SCHIP1: variants seen among roughly 807,000 people sequenced by gnomAD.
The protein encoded by SCHIP1 is schwannomin-interacting protein 1.
SCHIP1 carries 8 observed loss-of-function variants against 29.7 expected under a neutral mutation model. The observed-to-expected ratio is 0.27, with a 90% confidence interval of 0.16 to 0.49. The LOEUF (loss-of-function observed/expected upper bound fraction) is 0.49. Ranked by LOEUF, SCHIP1 falls within the 20% of genes least tolerant of loss-of-function variation. The probability of loss-of-function intolerance (pLI) is 0.99; values close to 1 mark genes in which losing one functional copy is unlikely to be tolerated. For missense variants in SCHIP1, 193 were observed against 294.6 expected (o/e 0.66, Z 2.52); for synonymous variants, 76 against 94.9 (o/e 0.80, Z 1.16).
the SCHIP1 span, among the ~76,000 whole-genome samples, chr3:159,529,334 A>G: frequency 3.3e-5 from 5 of 152,222 alleles, no homozygotes; most frequent in Non-Finnish European, 5.9e-5. Flanking sequence ...TCAAAGGAAA[A>G]CCAAATTACT....
chr3:159,644,691 A>C, the SCHIP1 span, among the ~76,000 whole-genome samples: 4 of 152,156 alleles, frequency 2.6e-5, no homozygotes, highest in Admixed American at 2.6e-4. Context: ...ATGCCCATTA[A>C]ATTCAAATTA....
the SCHIP1 span, among the ~76,000 whole-genome samples, chr3:159,592,066 G>T: frequency 6.6e-6 from 1 of 151,628 alleles, no homozygotes; most frequent in Non-Finnish European, 1.5e-5. Flanking sequence ...TCTGCTTGGG[G>T]TCTGGTCAAA....
At chr3:159,707,795 C>T in the SCHIP1 span, among the ~76,000 whole-genome samples, 1 of 152,094 alleles carries the variant, frequency 6.6e-6, no homozygotes, top group Admixed American at 6.5e-5. Flanking sequence ...TATTGGATTC[C>T]TTTGTCCCCC....
chr3:159,310,547 G>A, the SCHIP1 span, among the ~76,000 whole-genome samples: 5 of 152,064 alleles, frequency 3.3e-5, no homozygotes, highest in Admixed American at 6.6e-5. Flanking sequence ...AAATTCTGTC[G>A]TTGTTTCCAT....
chr3:159,824,216 A>G, the SCHIP1 span, among the ~76,000 whole-genome samples: 1 of 152,200 alleles, frequency 6.6e-6, no homozygotes, highest in Non-Finnish European at 1.5e-5. Context: ...GTGAAGCTTG[A>G]CTGAATTATT....
chr3:159,668,925 G>C, the SCHIP1 span, among the ~76,000 whole-genome samples: 1 of 152,014 alleles, frequency 6.6e-6, no homozygotes, highest in Non-Finnish European at 1.5e-5. Flanking sequence ...AAAAAATTAT[G>C]AGACAGTTCT....
At chr3:159,376,887 G>C in the SCHIP1 span, among the ~76,000 whole-genome samples, 1 of 152,186 alleles carries the variant, frequency 6.6e-6, no homozygotes, top group African/African-American at 2.4e-5. Context: ...GAACTCAGGA[G>C]AACTTGTGGC....
chr3:159,747,242 T>C, the SCHIP1 span, among the ~76,000 whole-genome samples: 1 of 152,178 alleles, frequency 6.6e-6, no homozygotes, highest in Non-Finnish European at 1.5e-5. Context: ...CAGTCTTGGA[T>C]CTGAGAAGCT....
At chr3:159,382,530 C>T in the SCHIP1 span, among the ~76,000 whole-genome samples, 5 of 152,070 alleles carry the variant, frequency 3.3e-5, no homozygotes, top group Non-Finnish European at 1.5e-5. Flanking sequence ...GGGTTGGTCC[C>T]AAGTTTTGCT....
chr3:159,665,502 T>C, the SCHIP1 span, among the ~76,000 whole-genome samples: 1 of 152,054 alleles, frequency 6.6e-6, no homozygotes, highest in Admixed American at 6.6e-5. Flanking sequence ...AAACACACTC[T>C]ATATATGTTT....
chr3:159,627,895 G>A, the SCHIP1 span, among the ~76,000 whole-genome samples: 2 of 152,182 alleles, frequency 1.3e-5, no homozygotes, highest in African/African-American at 4.8e-5. Flanking sequence ...GCTGCTGAAA[G>A]GTAGATAAAA....
chr3:159,831,267 G>C, the SCHIP1 span, among the ~76,000 whole-genome samples: 1 of 152,150 alleles, frequency 6.6e-6, no homozygotes, highest in Admixed American at 6.5e-5. Context: ...CGGTTCTTTA[G>C]TCTTTTCATC....
chr3:159,551,282 C>T, the SCHIP1 span, among the ~76,000 whole-genome samples: 94 of 152,124 alleles, frequency 6.2e-4, no homozygotes, highest in African/African-American at 2.0e-3. Flanking sequence ...CCTGCTTTGA[C>T]GAGGTTTACT....
the SCHIP1 span, among the ~76,000 whole-genome samples, chr3:159,532,940 A>T: frequency 6.6e-6 from 1 of 152,242 alleles, no homozygotes; most frequent in African/African-American, 2.4e-5. Flanking sequence ...GAGTATGACC[A>T]ACAAGTATGT....
chr3:159,495,896 C>G, the SCHIP1 span, among the ~76,000 whole-genome samples: 1 of 152,068 alleles, frequency 6.6e-6, no homozygotes, highest in Non-Finnish European at 1.5e-5. Flanking sequence ...GTACAGGTAC[C>G]AAGACAGAGA....
chr3:159,542,696 T>A, the SCHIP1 span, among the ~76,000 whole-genome samples: 1 of 152,034 alleles, frequency 6.6e-6, no homozygotes, highest in Non-Finnish European at 1.5e-5. Context: ...TGAGGCATGA[T>A]GGGATGCTTA....
chr3:159,441,051 G>T, the SCHIP1 span, among the ~76,000 whole-genome samples: 7 of 152,142 alleles, frequency 4.6e-5, no homozygotes, highest in Admixed American at 3.3e-4. Flanking sequence ...ACATGCAAAA[G>T]CATGTGGATT....
chr3:159,492,396 A>G, the SCHIP1 span, among the ~76,000 whole-genome samples: 2 of 152,234 alleles, frequency 1.3e-5, no homozygotes, highest in Non-Finnish European at 2.9e-5. Flanking sequence ...CAATGCAGAG[A>G]AGTCCTTAAA....
chr3:159,784,122 C>T, the SCHIP1 span, among the ~76,000 whole-genome samples: 8 of 152,280 alleles, frequency 5.3e-5, no homozygotes, highest in African/African-American at 1.4e-4. Flanking sequence ...TGTCAGAGCA[C>T]GACCAATGAA....
Sources: gnomAD v4.1 joint callset for allele counts (sites outside exome capture counted in the v4.1 genomes callset) on GRCh38, gnomAD v4.1.1 for gene constraint, MANE v1.5 for transcripts, NCBI Gene and HGNC (gene_info 2026-07-23, HGNC 2026-07-21) for gene names.